Variants in TNKS1BP1 observed in about 807,000 individuals in gnomAD.
TNKS1BP1 encodes the protein 182 kDa tankyrase-1-binding protein.
Under a neutral mutation model 141.1 loss-of-function variants are expected in TNKS1BP1, and 48 were observed. The ratio of observed to expected loss-of-function variants is 0.34; its 90% confidence interval spans 0.27 to 0.43. TNKS1BP1 has a LOEUF of 0.43. TNKS1BP1 is among the 20% of genes least tolerant of loss of function. TNKS1BP1 has a pLI of 1.00. For synonymous variants in TNKS1BP1, 875 were observed against 898.2 expected (o/e 0.97, Z 0.46); for missense variants, 2,149 against 2,226.0 (o/e 0.97, Z 0.70).
At chr11:57,316,433 T>A (rs1393942291) in intron 4 of TNKS1BP1, among the ~76,000 whole-genome samples, 5 of 152,042 alleles carry the variant, frequency 3.3e-5, no homozygotes, top group Non-Finnish European at 5.9e-5. Flanking sequence ...TACCCAACCA[T>A]CCGCTTGACG....
At position 57,300,913 on chromosome 11, in the gene TNKS1BP1, C is replaced by T. The variant is rs779787910; in HGVS notation, c.5100G>A (p.Thr1700=). 1.2e-5 allele frequency: 19 copies of T among 1,613,968 alleles called. No individual in the cohort carries two copies. The East Asian group carries it at 1.3e-4, about 11-fold the overall frequency. Reference sequence around the variant, plus strand: ...AGGATTTCTCTGGCTTGGGAGGTAACGTGAGGGGCTTTCCCAGTCCTGGGA... The same window carrying T: ...AGGATTTCTCTGGCTTGGGAGGTAATGTGAGGGGCTTTCCCAGTCCTGGGA... ...CKVPGLGKPL[T]LPPKPEKSSG... Residue 1700 remains threonine, a synonymous_variant, in exon 10 of 12, where the codon ACG becomes ACA. Coordinates refer to ENST00000358252, the MANE Select transcript of TNKS1BP1 (RefSeq NM_033396.3).
At chr11:57,313,935 G>C in intron 4 of TNKS1BP1, 46 bp from the exon 5 acceptor site, 1 of 1,433,014 alleles carries the variant, frequency 7.0e-7, no homozygotes, top group Non-Finnish European at 9.1e-7. Context: ...CCTCTCAGCG[G>C]GGCGGGGAGG....
In TNKS1BP1 at chr11:57,312,984, G is replaced by A; in HGVS notation, c.1704C>T (p.Pro568=). Residue 568 remains proline, a synonymous_variant, in exon 5 of 12, where the codon CCC becomes CCT. Coordinates refer to ENST00000358252, the MANE Select transcript of TNKS1BP1 (RefSeq NM_033396.3). ...CCTCAGTTGTAGGCAGGGGCTCAAG[G>A]GGAACAGCTGGGAATTGAGGTTGAC... ...GESQPQFPAV[P]LEPLPTTEGT... The A allele has an allele frequency of 6.2e-7, 1 of 1,613,784 alleles. No individual in the cohort carries two copies. The highest frequency in any genetic ancestry group is 8.5e-7 in the Non-Finnish European group (1 of 1,180,034).
intron 5 of TNKS1BP1, among the ~76,000 whole-genome samples, chr11:57,311,994 A>G (rs1855719691): frequency 1.3e-5 from 2 of 152,378 alleles, no homozygotes; most frequent in South Asian, 4.1e-4. Context: ...CCTTGGAGGT[A>G]GAACTCATCT....
rs779855137 is a variant in TNKS1BP1 at position 57,301,912 on chromosome 11, A to T, written c.4866T>A (p.Asp1622Glu). Residue 1622 changes from aspartate (D) to glutamate (E), a missense_variant, in exon 9 of 12, where the codon GAT becomes GAA. Coordinates refer to ENST00000358252, the MANE Select transcript of TNKS1BP1 (RefSeq NM_033396.3). ...TCTGAGGTTCCTCCACTACCTCTTC[A>T]TCTGAAGATGGCACCCGAGATGCCC... ...EPRASRVPSS[D>E]EEVVEEPQSR... 9 of 1,613,952 alleles carry T rather than the reference A, an allele frequency of 5.6e-6. No homozygotes were observed. The highest frequency in any genetic ancestry group is 2.5e-6 in the Non-Finnish European group (3 of 1,180,016).
At position 57,320,694 on chromosome 11, in the gene TNKS1BP1, G is replaced by C; in HGVS notation, c.113C>G (p.Pro38Arg). 1 of 1,593,876 alleles carries C rather than the reference G, an allele frequency of 6.3e-7. No homozygotes were observed. Among genetic ancestry groups the C allele is most frequent in the Non-Finnish European group, 8.6e-7 (1 of 1,169,376 alleles). Residue 38 changes from proline to arginine, a missense_variant, in exon 3 of 12, where the codon CCC (proline) becomes CGC (arginine). Coordinates refer to ENST00000358252, the MANE Select transcript of TNKS1BP1 (RefSeq NM_033396.3). ...GGCCCGGGGTTTGGGCTTGACAGGG[G>C]GTTTGGCCCGAGTGTCACCTACCAA... Reference protein sequence around the residue: ...GSEPGDTRAKPPVKPKPRALP... With the variant: ...GSEPGDTRAKRPVKPKPRALP...
rs1031064204 is a variant in TNKS1BP1, at chr11:57,320,676, G to C, written c.131C>G (p.Pro44Arg). 1 of 1,607,884 alleles carries C rather than the reference G, an allele frequency of 6.2e-7. No individual in the cohort carries two copies. Among genetic ancestry groups the C allele is most frequent in the Non-Finnish European group, 8.5e-7 (1 of 1,177,582 alleles). The change falls in exon 3 of 12, where the codon CCC becomes CGC. Residue 44 changes from proline to arginine, a missense_variant. By Grantham distance (103) the Pro-to-Arg change is moderately radical. Coordinates refer to ENST00000358252, the MANE Select transcript of TNKS1BP1 (RefSeq NM_033396.3). ...TRAKPPVKPK[P>R]RALPAKPALP... Reference sequence around the variant, plus strand: ...GGCTGGCTTGGCAGGCAGGGCCCGGGGTTTGGGCTTGACAGGGGGTTTGGC... The same window carrying C: ...GGCTGGCTTGGCAGGCAGGGCCCGGCGTTTGGGCTTGACAGGGGGTTTGGC...
At chr11:57,304,166 G>A (rs1855572458) in intron 6 of TNKS1BP1, among the ~76,000 whole-genome samples, 1 of 152,114 alleles carries the variant, frequency 6.6e-6, no homozygotes, top group African/African-American at 2.4e-5. Flanking sequence ...GCACAGAGGT[G>A]TGGGAAAGCC....
At position 57,322,368 on chromosome 11, in the gene TNKS1BP1, C is replaced by G. The variant is rs539518810; in HGVS notation, c.-65-418G>C. The G allele has an allele frequency of 3.3e-5, 32 of 970,566 alleles. No individual in the cohort carries two copies. In the Admixed American group the frequency reaches 1.6e-3, roughly 47 times the overall value. The allele number at this position is 970,566 out of a possible 1,614,324, so 60.1% of individuals were successfully genotyped here. On this transcript the variant is annotated intron_variant, in intron 1 of 11. Transcript: ENST00000358252. ...GAGACGGGAAAAACCCGCTCCTCCC[C>G]AACCTGGGCTCCGCCCCACTGCCTG...
In TNKS1BP1 at chr11:57,301,030, G is replaced by A. The variant is rs751100864; in HGVS notation, c.4983C>T (p.Arg1661=). ...CCTCCTCAGCTGAGCGATTCCGGGG[G>A]CGCAGCTTGGCCTGAGAAGCAAGTC... is the stretch of plus-strand genomic sequence containing the variant. ...LSPSALKAKL[R]PRNRSAEEGE... The change falls in exon 10 of 12, where the codon CGC becomes CGT. Residue 1661 remains arginine, a synonymous_variant. Transcript: ENST00000358252. 12 of 1,611,284 alleles carry A rather than the reference G, an allele frequency of 7.4e-6. No individual in the cohort carries two copies. Among genetic ancestry groups the A allele is most frequent in the East Asian group, 6.7e-5 (3 of 44,810 alleles).
At chr11:57,300,820 A>G in intron 10 of TNKS1BP1, 64 bp downstream of exon 10, 1 of 1,569,076 alleles carries the variant, frequency 6.4e-7, no homozygotes, top group Non-Finnish European at 8.7e-7. Flanking sequence ...GTGAAGTGAG[A>G]GTTTCCCTTT....
rs1855869354 is a variant in TNKS1BP1 at position 57,320,534 on chromosome 11, A to G, written c.273T>C (p.Gly91=). The change falls in exon 3 of 12, where the codon GGT becomes GGC. Residue 91 remains glycine (G), a synonymous_variant. Transcript: ENST00000358252. The part of the protein sequence containing the change: ...MNMLAGPQPY[G]GSKRPLPFAP... The stretch of plus-strand genomic sequence containing the variant: ...CAAAGGGAAGGGGGCGCTTGCTGCC[A>G]CCATAGGGCTGGGGTCCTGCCAGCA... The G allele has an allele frequency of 6.2e-7, 1 of 1,613,626 alleles. No homozygotes were observed. The highest frequency in any genetic ancestry group is 1.3e-5 in the African/African-American group (1 of 75,000).
chr11:57,317,780 A>C (rs1183710141), intron 4 of TNKS1BP1, 38 bp downstream of exon 4: 2 of 1,599,830 alleles, frequency 1.3e-6, no homozygotes, highest in Non-Finnish European at 8.6e-7. Flanking sequence ...CCAGCTCTAA[A>C]ATACGTGATT....
At chr11:57,300,719 G>T in intron 10 of TNKS1BP1, 119 bp from the exon 11 acceptor site, 1 of 1,505,132 alleles carries the variant, frequency 6.6e-7, no homozygotes, top group Non-Finnish European at 9.2e-7. Flanking sequence ...GGGCCTGGCT[G>T]CAGGGACCCA....
At chr11:57,316,413 C>A (rs1000531959) in intron 4 of TNKS1BP1, among the ~76,000 whole-genome samples, 1 of 152,116 alleles carries the variant, frequency 6.6e-6, no homozygotes, top group Non-Finnish European at 1.5e-5. Flanking sequence ...CCTTGAAGGC[C>A]AGACTCGACT....
chr11:57,301,810 C>A lies in TNKS1BP1; in HGVS notation c.4968G>T (p.Leu1656=). 6.2e-7 allele frequency: 1 copy of A among 1,613,716 alleles called. No homozygotes were observed. The highest frequency in any genetic ancestry group is 1.1e-5 in the South Asian group (1 of 91,058). The part of the protein sequence containing the change: ...NLFPGLSPSA[L]KAKLRPRNRS... ...TTGCTTAATGATCAGATGGTACCTTCAGGGCTGAGGGGCTCAGGCCAGGAA... is the reference window on the plus strand; with the variant it reads ...TTGCTTAATGATCAGATGGTACCTTAAGGGCTGAGGGGCTCAGGCCAGGAA... Residue 1656 remains leucine (L), a synonymous_variant, in exon 9 of 12, where the codon CTG becomes CTT. Transcript: ENST00000358252.
chr11:57,309,545 C>T lies in TNKS1BP1; in HGVS notation c.3166G>A (p.Glu1056Lys). The change falls in exon 6 of 12, where the codon GAG becomes AAG. Residue 1056 changes from glutamate to lysine, a missense_variant. Coordinates refer to ENST00000358252, the MANE Select transcript of TNKS1BP1 (RefSeq NM_033396.3). This position sits in a 1 kb window ranked among gnomAD's most constrained non-coding sequence, Gnocchi z 4.3. ...SSWQNSDASQ[E>K]VGGHQERQQA... The stretch of plus-strand genomic sequence containing the variant: ...TGTCTCTCCTGATGCCCTCCCACCT[C>T]CTGGCTAGCATCACTGTTTTGCCAG... 1.2e-6 allele frequency: 2 copies of T among 1,613,506 alleles called. No homozygotes were observed. Among genetic ancestry groups the T allele is most frequent in the Non-Finnish European group, 1.7e-6 (2 of 1,180,034 alleles).
chr11:57,300,456 G>A (rs1333195128), intron 11 of TNKS1BP1, 72 bp downstream of exon 11: 13 of 1,396,808 alleles, frequency 9.3e-6, no homozygotes, highest in Non-Finnish European at 1.3e-5. Flanking sequence ...GGACAGAAGG[G>A]GCATGAGGCC....
Position 57,320,410 on chromosome 11 carries a change from G to C in TNKS1BP1, c.397C>G (p.Pro133Ala), listed in dbSNP as rs1245343065. The C allele has an allele frequency of 6.8e-6, 11 of 1,611,102 alleles. No homozygotes were observed. The Admixed American group carries it at 1.7e-4, about 24-fold the overall frequency. ...CCCCCTGGGGCTGCACATCGAGCTGGGGGTGTCAAAGGGGGTGGCTCCTCT... is the reference window on the plus strand; with the variant it reads ...CCCCCTGGGGCTGCACATCGAGCTGCGGGTGTCAAAGGGGGTGGCTCCTCT... ...GKEEPPPLTP[P>A]ARCAAPGGVR... The change falls in exon 3 of 12, where the codon CCA (proline) becomes GCA (alanine). Residue 133 changes from proline to alanine, a missense_variant. Physicochemically the swap from Pro to Ala is conservative, Grantham distance 27 (BLOSUM62 -1). Coordinates refer to ENST00000358252, the MANE Select transcript of TNKS1BP1 (RefSeq NM_033396.3).
Sources: allele counts gnomAD v4.1 joint callset (sites outside exome capture counted in the v4.1 genomes callset), GRCh38; gene constraint gnomAD v4.1.1; non-coding constraint Gnocchi (gnomAD v3.1); transcripts MANE v1.5; gene names NCBI Gene and HGNC (gene_info 2026-07-23, HGNC 2026-07-21).